The following NSMCE1 variants were observed in gnomAD, a reference collection of about 807,000 sequenced individuals.
The protein encoded by NSMCE1 is non-structural maintenance of chromosomes element 1 homolog.
NSMCE1 carries 18 observed loss-of-function variants against 29.6 expected under a neutral mutation model. That is an observed-to-expected ratio of 0.61 (90% CI 0.42 to 0.90). The LOEUF (loss-of-function observed/expected upper bound fraction) is 0.90, where lower values mean the gene tolerates loss of function less well. NSMCE1 is among the 40% of genes least tolerant of loss of function. The pLI, the probability that NSMCE1 is intolerant of heterozygous loss-of-function variation, is 0.00. For missense variants in NSMCE1, 314 were observed against 343.6 expected, an observed-to-expected ratio of 0.91 and a Z score of 0.68; for synonymous variants, 124 against 133.4, an observed-to-expected ratio of 0.93 and a Z score of 0.49.
chr16:27,245,601 A>T (rs2083946955), intron 2 of NSMCE1, among the ~76,000 whole-genome samples: 1 of 152,198 alleles, frequency 6.6e-6, no homozygotes, highest in Non-Finnish European at 1.5e-5. Context: ...CACAAAAGCA[A>T]CATCAATTTC....
chr16:27,259,523 G>A (rs1178552948), intron 1 of NSMCE1, among the ~76,000 whole-genome samples: 1 of 152,172 alleles, frequency 6.6e-6, no homozygotes, highest in East Asian at 1.9e-4. Context: ...ACATGGTGTT[G>A]CCTAGCTGTG....
chr16:27,253,269 T>C (rs1458102122), intron 2 of NSMCE1, among the ~76,000 whole-genome samples: 3 of 152,244 alleles, frequency 2.0e-5, no homozygotes, highest in African/African-American at 7.2e-5. Flanking sequence ...ACTGGTGTCT[T>C]AAGTTGGGTC....
Position 27,251,207 on chromosome 16 carries a change from T to TATATATATATATAA in NSMCE1, c.136+6227_136+6228insTTATATATATATAT, listed in dbSNP as rs1555477430. ...ATATATATAAATATATATATATATA[T>TATATATATATATAA]AAAACTCTGTAGAGTTCAGACTCCT... On this transcript the variant is annotated intron_variant, in intron 2 of 7. Coordinates refer to ENST00000361439, the MANE Select transcript of NSMCE1 (RefSeq NM_145080.4). Among the ~76,000 whole-genome samples the TATATATATATATAA allele has an allele frequency of 1.5e-3, 105 of 70,722 alleles. 3 individuals are homozygous for TATATATATATATAA. The highest frequency in any genetic ancestry group is 2.5e-3 in the Non-Finnish European group (85 of 34,344). The allele number at this position is 70,722 out of a possible 152,430, so 46.4% of individuals were successfully genotyped here.
chr16:27,254,811 G>A (rs933043756), intron 2 of NSMCE1, among the ~76,000 whole-genome samples: 2 of 143,912 alleles, frequency 1.4e-5, no homozygotes, highest in South Asian at 2.2e-4. Flanking sequence ...GAAGACAAGC[G>A]TTCTTATGCA....
chr16:27,261,833 A>G (rs999283033), intron 1 of NSMCE1, among the ~76,000 whole-genome samples: 30 of 152,382 alleles, frequency 2.0e-4, no homozygotes, highest in Non-Finnish European at 1.8e-4. Context: ...TAACAAACTT[A>G]ATCCAGATAT....
At chr16:27,259,694 G>C (rs2084133764) in intron 1 of NSMCE1, among the ~76,000 whole-genome samples, 1 of 152,082 alleles carries the variant, frequency 6.6e-6, no homozygotes, top group African/African-American at 2.4e-5. Flanking sequence ...CTGTCATTGT[G>C]ATCCCATCAA....
intron 4 of NSMCE1, chr16:27,233,949 G>C: frequency 2.0e-6 from 1 of 511,284 alleles, no homozygotes; most frequent in East Asian, 3.4e-5. Context: ...TGCCCATCCA[G>C]TTGGGGCTCA....
chr16:27,251,405 G>A (rs1245565469), intron 2 of NSMCE1, among the ~76,000 whole-genome samples: 2 of 151,582 alleles, frequency 1.3e-5, no homozygotes, highest in Non-Finnish European at 2.9e-5. Flanking sequence ...GCTTAATATG[G>A]TGAATTACAC....
rs911714091 is a variant in NSMCE1, at chr16:27,238,951, C to A, written c.137-3652G>T. Among the ~76,000 whole-genome samples, 34 of 151,614 alleles carry A rather than the reference C, an allele frequency of 2.2e-4. No individual in the cohort carries two copies. The Middle Eastern group carries it at 0.01, about 46-fold the overall frequency. ...GTGGCACAGTCTCAGCTCACAGCAA[C>A]CTCCACCTCCCAGGTTCAAGCGATC... On this transcript the variant is annotated intron_variant, in intron 2 of 7. Coordinates refer to ENST00000361439, the MANE Select transcript of NSMCE1 (RefSeq NM_145080.4).
intron 2 of NSMCE1, among the ~76,000 whole-genome samples, chr16:27,248,069 T>C (rs181132344): frequency 6.6e-6 from 1 of 152,360 alleles, no homozygotes; most frequent in East Asian, 1.9e-4. Flanking sequence ...CTAAGTAGTA[T>C]GGATTTATCA....
intron 1 of NSMCE1, among the ~76,000 whole-genome samples, chr16:27,266,813 A>G (rs1040727812): frequency 6.6e-6 from 1 of 152,082 alleles, no homozygotes; most frequent in Admixed American, 6.6e-5. Context: ...TTCTAAGTAT[A>G]TGCCTTTTTA....
chr16:27,245,199 ATG>A (rs2141000318), intron 2 of NSMCE1, among the ~76,000 whole-genome samples: 1 of 152,366 alleles, frequency 6.6e-6, no homozygotes, highest in Non-Finnish European at 1.5e-5. Context: ...CATGAAATGA[ATG>A]TGATGTCCCT....
At position 27,225,150 on chromosome 16, in the gene NSMCE1, A is replaced by G; in HGVS notation, c.*7T>C. 6.4e-7 allele frequency: 1 copy of G among 1,573,820 alleles called. No homozygotes were observed. On this transcript the variant is annotated 3_prime_UTR_variant, in exon 8 of 8. Transcript: ENST00000361439. ...AAGGCAGCCAGCCCCTCAGCAGGGCACGATGGCTAATGCTGCCTGGACCGC... is the reference window on the plus strand; with the variant it reads ...AAGGCAGCCAGCCCCTCAGCAGGGCGCGATGGCTAATGCTGCCTGGACCGC...
At position 27,235,383 on chromosome 16, in the gene NSMCE1, T is replaced by A. The variant is rs966882272; in HGVS notation, c.137-84A>T. The A allele has an allele frequency of 2.3e-5, 35 of 1,515,342 alleles. No homozygotes were observed. In the African/African-American group the frequency reaches 4.5e-4, roughly 20 times the overall value. 93.9% of individuals were successfully genotyped at this position (1,515,342 alleles called of 1,614,324 possible). ...AGCTTGCTTGAATCATTCCATCCCA[T>A]CTCAACGCAGGGGACAGCAACCCCA... On this transcript the variant is annotated intron_variant, in intron 2 of 7. Transcript: ENST00000361439.
intron 2 of NSMCE1, among the ~76,000 whole-genome samples, chr16:27,253,478 G>A (rs2084055158): frequency 6.6e-6 from 1 of 152,186 alleles, no homozygotes; most frequent in Non-Finnish European, 1.5e-5. Flanking sequence ...GGCCTTGACT[G>A]ACGAATGTCC....
At chr16:27,229,224 G>A (rs2083738354) in intron 5 of NSMCE1, among the ~76,000 whole-genome samples, 1 of 152,250 alleles carries the variant, frequency 6.6e-6, no homozygotes, top group South Asian at 2.1e-4. Context: ...CCAGGCTCCA[G>A]GCAACTCCCA....
intron 2 of NSMCE1, among the ~76,000 whole-genome samples, chr16:27,255,730 G>A (rs12445023): frequency 0.34 from 51,014 of 152,034 alleles, 8,678 homozygotes; most frequent in South Asian, 0.45. Context: ...AAGAATATTC[G>A]TTTCTGTTCT....
chr16:27,233,263 G>A (rs757133782), intron 4 of NSMCE1, 116 bp from the exon 5 acceptor site: 7 of 779,954 alleles, frequency 9.0e-6, no homozygotes, highest in South Asian at 3.5e-5. Context: ...AGGCAGAACT[G>A]TACACTGGCA....
intron 2 of NSMCE1, among the ~76,000 whole-genome samples, chr16:27,236,404 C>A (rs2083826193): frequency 6.7e-6 from 1 of 149,232 alleles, no homozygotes; most frequent in Non-Finnish European, 1.5e-5. Context: ...TCAAGCAGTT[C>A]TCCTGCCTTA....
Sources: gnomAD v4.1 joint callset for allele counts (sites outside exome capture counted in the v4.1 genomes callset) on GRCh38, gnomAD v4.1.1 for gene constraint, MANE v1.5 for transcripts, NCBI Gene and HGNC (gene_info 2026-07-23, HGNC 2026-07-21) for gene names.